Variants in CEACAM19 observed in about 807,000 individuals in gnomAD.
CEACAM19 encodes cell adhesion molecule CEACAM19.
CEACAM19 carries 37 observed loss-of-function variants against 37.6 expected under a neutral mutation model. The ratio of observed to expected loss-of-function variants is 0.98; its 90% CI spans 0.76 to 1.29. The LOEUF is 1.29. CEACAM19 is among the 50% of genes most tolerant of loss of function. CEACAM19 has a pLI of 0.00. For missense variants in CEACAM19, 340 were observed against 375.6 expected, an observed-to-expected ratio of 0.91 and a Z score of 0.78; for synonymous variants, 140 against 149.8, an observed-to-expected ratio of 0.93 and a Z score of 0.48.
chr19:44,679,326 C>T (rs987871886), intron 4 of CEACAM19, among the ~76,000 whole-genome samples: 4 of 152,134 alleles, frequency 2.6e-5, no homozygotes, highest in African/African-American at 4.8e-5. Context: ...GTATTCAGGA[C>T]GGGTGCAGTG....
upstream of CEACAM19, among the ~76,000 whole-genome samples, chr19:44,670,810 A>AT (rs1419260122): frequency 1.4e-5 from 2 of 139,952 alleles, no homozygotes; most frequent in African/African-American, 6.1e-5. Context: ...AAAAAAAAAA[A>AT]ACAGGCTGAG....
intron 2 of CEACAM19, chr19:44,673,563 T>C (rs1973894846): frequency 6.6e-6 from 1 of 152,210 alleles, no homozygotes; most frequent in Admixed American, 6.6e-5. Flanking sequence ...TTCCTAGTCA[T>C]GCCAACCAAA....
upstream of CEACAM19, among the ~76,000 whole-genome samples, chr19:44,667,701 TA>T (rs1973746434): frequency 2.5e-5 from 2 of 81,486 alleles, no homozygotes; most frequent in African/African-American, 5.2e-5. Flanking sequence ...ATATAATATA[TA>T]TTATATAAAT....
intron 2 of CEACAM19, among the ~76,000 whole-genome samples, chr19:44,675,058 C>T (rs755605416): frequency 2.8e-4 from 42 of 150,934 alleles, no homozygotes; most frequent in Non-Finnish European, 5.2e-4. Context: ...TGTAAAATGG[C>T]ATAGAGCTTA....
At position 44,683,580 on chromosome 19, in the gene CEACAM19, T is replaced by TG; in HGVS notation, c.*95dup. ...CCTGAGACCAGCAGGACAAGGCCAT[T>TG]GGGGGCTGTGGGGCCGATGAGGTGG... On this transcript the variant is annotated 3_prime_UTR_variant, in exon 8 of 8. Coordinates refer to ENST00000358777, the MANE Select transcript of CEACAM19 (RefSeq NM_001127893.3). The TG allele has an allele frequency of 1.3e-6, 1 of 758,826 alleles. No individual in the cohort carries two copies. The highest frequency in any genetic ancestry group is 3.1e-5 in the Admixed American group (1 of 31,858). 47.0% of individuals were successfully genotyped at this position (758,826 alleles called of 1,614,324 possible).
upstream of CEACAM19, among the ~76,000 whole-genome samples, chr19:44,668,687 A>ATATTATAATTT (rs1343508329): frequency 1.5e-5 from 1 of 66,266 alleles, no homozygotes; most frequent in African/African-American, 8.0e-5. Flanking sequence ...TATATATTAT[A>ATATTATAATTT]ATATATTATA....
At chr19:44,666,285 T>G (rs1203550395) in intron 1 of CEACAM19, 1 of 152,172 alleles carries the variant, frequency 6.6e-6, no homozygotes, top group East Asian at 1.9e-4. Flanking sequence ...CCAGAATAGC[T>G]GGCTTTGCTT....
Position 44,683,741 on chromosome 19 carries a change from G to A in CEACAM19, c.*251G>A. 2.6e-6 allele frequency: 1 copy of A among 387,446 alleles called. No individual in the cohort carries two copies. Among genetic ancestry groups the A allele is most frequent in the Non-Finnish European group, 4.6e-6 (1 of 218,602 alleles). 24.0% of individuals were successfully genotyped at this position (387,446 alleles called of 1,614,324 possible). On this transcript the variant is annotated 3_prime_UTR_variant, in exon 8 of 8. Transcript: ENST00000358777. ...CTGTTCCTTCAAGCAAGCTGGCCTG[G>A]GCCATGTGCCTGTGAAAGGCAGGCT... is the stretch of plus-strand genomic sequence containing the variant.
chr19:44,677,518 C>T (rs1298358091), intron 3 of CEACAM19: 2 of 151,954 alleles, frequency 1.3e-5, no homozygotes, highest in East Asian at 3.9e-4. Flanking sequence ...GTGAAAAATT[C>T]CTTTCTTATG....
intron 3 of CEACAM19, 61 bp downstream of exon 3, chr19:44,676,482 A>C (rs1973953514): frequency 6.5e-7 from 1 of 1,532,708 alleles, no homozygotes; most frequent in Non-Finnish European, 9.0e-7. Context: ...AGCCCCATGG[A>C]TTCTTCCACA....
At chr19:44,667,966 AT>A (rs1973764775), upstream of CEACAM19, among the ~76,000 whole-genome samples, 1 of 79,744 alleles carries the variant, frequency 1.3e-5, no homozygotes, top group Non-Finnish European at 2.1e-5. Flanking sequence ...ATCTATATAA[AT>A]ATATACTATA....
At position 44,682,588 on chromosome 19, in the gene CEACAM19, C is replaced by T. The variant is rs1974081289; in HGVS notation, c.814C>T (p.Leu272=). 1.2e-6 allele frequency: 2 copies of T among 1,604,808 alleles called. No homozygotes were observed. Among genetic ancestry groups the T allele is most frequent in the Non-Finnish European group, 8.5e-7 (1 of 1,175,872 alleles). Residue 272 remains leucine, a synonymous_variant, in exon 7 of 8, where the codon CTG becomes TTG. Coordinates refer to ENST00000358777, the MANE Select transcript of CEACAM19 (RefSeq NM_001127893.3). ...PARPLPTPPH[L]QAEPENHQYQ... is the part of the protein sequence containing the mutation. ...GCAGCCCCTGCCCACACCCCCACACCTGCAGGCGGAGCCAGAGAACCACCA... is the reference window on the plus strand; with the variant it reads ...GCAGCCCCTGCCCACACCCCCACACTTGCAGGCGGAGCCAGAGAACCACCA...
In CEACAM19 at chr19:44,680,437, C is replaced by T. The variant is rs1411446553; in HGVS notation, c.706+103C>T. 3 of 1,065,756 alleles carry T rather than the reference C, an allele frequency of 2.8e-6. No individual in the cohort carries two copies. The African/African-American group carries it at 4.7e-5, about 17-fold the overall frequency. The allele number at this position is 1,065,756 out of a possible 1,614,324, so 66.0% of individuals were successfully genotyped here. ...TTATTCTCCCTCACTCAGAGACCTC[C>T]CAATGCACCTGCCCCGAGACCTCTC... is the stretch of plus-strand genomic sequence containing the variant. On this transcript the variant is annotated intron_variant, in intron 5 of 7. Transcript: ENST00000358777.
upstream of CEACAM19, among the ~76,000 whole-genome samples, chr19:44,668,563 TATTATATATGTATATA>T (rs1285537067): frequency 4.5e-5 from 1 of 22,090 alleles, no homozygotes; most frequent in African/African-American, 2.4e-4. Flanking sequence ...ATTATATACA[TATTATATATGTATATA>T]ATTATATAAT....
At chr19:44,676,202 A>G (rs1973945157) in intron 2 of CEACAM19, 69 bp from the exon 3 acceptor site, 2 of 1,509,218 alleles carry the variant, frequency 1.3e-6, no homozygotes, top group East Asian at 2.3e-5. Flanking sequence ...ATAGTCGGTG[A>G]GGGACTGGGG....
intron 5 of CEACAM19, among the ~76,000 whole-genome samples, chr19:44,680,970 A>G (rs1269332859): frequency 1.0e-5 from 1 of 99,350 alleles, no homozygotes. Context: ...ACCCGCCCCC[A>G]GTCCCCCGAC....
chr19:44,675,634 A>G (rs1350629779), intron 2 of CEACAM19, among the ~76,000 whole-genome samples: 1 of 151,904 alleles, frequency 6.6e-6, no homozygotes. Context: ...AAAAATTTAA[A>G]AATTAGCCAG....
intron 3 of CEACAM19, among the ~76,000 whole-genome samples, chr19:44,677,095 A>C (rs768773889): frequency 6.6e-6 from 1 of 152,146 alleles, no homozygotes; most frequent in Non-Finnish European, 1.5e-5. Flanking sequence ...GCCCAGGCTC[A>C]TACTCCACTG....
At position 44,680,286 on chromosome 19, in the gene CEACAM19, A is replaced by T. The variant is rs770732549; in HGVS notation, c.660-2A>T. 1.9e-5 allele frequency: 31 copies of T among 1,596,154 alleles called. 3 individuals are homozygous for T. In the South Asian group the frequency reaches 3.4e-4, roughly 18 times the overall value. On this transcript the variant is annotated splice_acceptor_variant, in intron 4 of 7. Coordinates refer to ENST00000358777, the MANE Select transcript of CEACAM19 (RefSeq NM_001127893.3). LOFTEE classifies it high-confidence loss of function. ...ATATCAATTCCCTCTATGTGTCCCC[A>T]GGATGGCGACCACAGAGAAGCCAGA...
Sources: gnomAD v4.1 joint callset for allele counts (sites outside exome capture counted in the v4.1 genomes callset) on GRCh38, gnomAD v4.1.1 for gene constraint, MANE v1.5 for transcripts, NCBI Gene and HGNC (gene_info 2026-07-23, HGNC 2026-07-21) for gene names.